CCDC88A: variants seen among roughly 807,000 people sequenced by gnomAD.
CCDC88A encodes coiled-coil and HOOK domain protein 88A, also known as girdin.
In CCDC88A, 54 loss-of-function variants were observed where a neutral mutation model predicts 234.3. The ratio of observed to expected loss-of-function variants is 0.23; its 90% CI spans 0.19 to 0.29. The LOEUF is 0.29. Ranked by LOEUF, CCDC88A falls within the 10% of genes least tolerant of loss-of-function variation. The pLI is 1.00. For missense variants in CCDC88A, 1,832 were observed against 2,123.4 expected, an observed-to-expected ratio of 0.86 and a Z score of 2.70; for synonymous variants, 753 against 737.8, an observed-to-expected ratio of 1.02 and a Z score of -0.33.
intron 2 of CCDC88A, among the ~76,000 whole-genome samples, chr2:55,409,378 G>A (rs900545312): frequency 6.6e-6 from 1 of 152,028 alleles, no homozygotes; most frequent in African/African-American, 2.4e-5. Context: ...TCTCCTCCAA[G>A]AAGCCTTTCC....
intron 13 of CCDC88A, chr2:55,337,656 G>A (rs1187770106): frequency 1.3e-5 from 2 of 151,924 alleles, no homozygotes; most frequent in South Asian, 2.1e-4. Context: ...GTGAAACGAT[G>A]TCTCTACCAA....
chr2:55,299,783 C>G, intron 29 of CCDC88A, 56 bp downstream of exon 29: 1 of 1,157,674 alleles, frequency 8.6e-7, no homozygotes, highest in South Asian at 1.3e-5. Context: ...TCCCATCTCC[C>G]ACCTTTAAAT....
intron 8 of CCDC88A, 135 bp from the exon 9 acceptor site, chr2:55,349,734 TA>T (rs34581861): frequency 0.058 from 7,225 of 124,606 alleles, 4 homozygotes; most frequent in South Asian, 0.068. Flanking sequence ...ATCTAGAAGA[TA>T]AAAAAAAAAA....
At chr2:55,402,828 T>G (rs1301123935) in intron 2 of CCDC88A, among the ~76,000 whole-genome samples, 4 of 151,434 alleles carry the variant, frequency 2.6e-5, no homozygotes, top group Non-Finnish European at 5.9e-5. Flanking sequence ...GCTAATATGG[T>G]GAAACCCCAT....
Position 55,419,320 on chromosome 2 carries a change from C to A in CCDC88A, c.-241G>T, listed in dbSNP as rs1245764020. On this transcript the variant is annotated 5_prime_UTR_variant, in exon 1 of 33. Transcript: ENST00000436346. Reference sequence around the variant, plus strand: ...GAGCAGCAGCCTGCGCTGGAAATGTCTGTACCGGGCGAGGAGGGGCAGAGA... The same window carrying A: ...GAGCAGCAGCCTGCGCTGGAAATGTATGTACCGGGCGAGGAGGGGCAGAGA... 2.0e-6 allele frequency: 1 copy of A among 492,526 alleles called. No homozygotes were observed. The highest frequency in any genetic ancestry group is 3.7e-6 in the Non-Finnish European group (1 of 273,286). 30.5% of individuals were successfully genotyped at this position (492,526 alleles called of 1,614,324 possible).
At chr2:55,294,381 G>C (rs1679779821) in intron 31 of CCDC88A, 1 of 967,794 alleles carries the variant, frequency 1.0e-6, no homozygotes, top group African/African-American at 1.8e-5. Context: ...AAATTTGATG[G>C]GGTTTTCTAA....
At chr2:55,295,027 T>A in intron 31 of CCDC88A, 1 of 1,221,532 alleles carries the variant, frequency 8.2e-7, no homozygotes, top group Non-Finnish European at 1.1e-6. Context: ...GCAGTGTATA[T>A]CAAATAACAT....
chr2:55,296,776 C>A (rs146421592), intron 29 of CCDC88A: 154 of 474,948 alleles, frequency 3.2e-4, no homozygotes, highest in African/African-American at 2.9e-3. Context: ...CTTTTACTAT[C>A]ATACTCAGAG....
chr2:55,401,469 TA>T (rs1558826432), intron 2 of CCDC88A, among the ~76,000 whole-genome samples: 4 of 16,224 alleles, frequency 2.5e-4, no homozygotes, highest in East Asian at 1.0e-3. Flanking sequence ...TATATATACA[TA>T]TGTGTGTGTA....
chr2:55,414,792 G>A (rs1681076508), intron 2 of CCDC88A, among the ~76,000 whole-genome samples: 1 of 152,140 alleles, frequency 6.6e-6, no homozygotes, highest in East Asian at 1.9e-4. Context: ...CTGGCCAGGT[G>A]TGGTGGCTAA....
At chr2:55,375,517 GTATGTAT>G (rs1673531814) in intron 3 of CCDC88A, among the ~76,000 whole-genome samples, 1 of 13,172 alleles carries the variant, frequency 7.6e-5, no homozygotes, top group African/African-American at 2.0e-4. Context: ...ATATATGTAT[GTATGTAT>G]AAATATGTTG....
intron 2 of CCDC88A, among the ~76,000 whole-genome samples, 200 bp from the exon 3 acceptor site, chr2:55,389,086 C>T (rs1308897381): frequency 6.6e-6 from 1 of 152,126 alleles, no homozygotes; most frequent in Non-Finnish European, 1.5e-5. Context: ...ACTGATTTCC[C>T]AAAGCAAGAA....
In CCDC88A at chr2:55,309,060, T is replaced by G. The variant is rs1681993090; in HGVS notation, c.4173-37A>C. On this transcript the variant is annotated intron_variant, in intron 24 of 32. Coordinates refer to ENST00000436346, the MANE Select transcript of CCDC88A (RefSeq NM_001365480.1). The surrounding 1 kb of genome is among the most constrained non-coding windows in gnomAD (Gnocchi z 5.1). ...TTAAAAATTGTTATCAGTTTAAAAT[T>G]CAACATACAAATCCTTCACAAAAGT... is the stretch of plus-strand genomic sequence containing the variant. 1 of 1,529,976 alleles carries G rather than the reference T, an allele frequency of 6.5e-7. No homozygotes were observed. Among genetic ancestry groups the G allele is most frequent in the Non-Finnish European group, 9.0e-7 (1 of 1,105,562 alleles). The allele number at this position is 1,529,976 out of a possible 1,614,324, so 94.8% of individuals were successfully genotyped here.
Position 55,357,867 on chromosome 2 carries a change from T to C in CCDC88A, c.628-2116A>G, listed in dbSNP as rs1670797591. 2.6e-5 allele frequency among the ~76,000 whole-genome samples: 4 copies of C among 152,176 alleles called. No individual in the cohort carries two copies. In the South Asian group the frequency reaches 8.3e-4, roughly 32 times the overall value. On this transcript the variant is annotated intron_variant, in intron 7 of 32. Coordinates refer to ENST00000436346, the MANE Select transcript of CCDC88A (RefSeq NM_001365480.1). ...ATGAACCTCAGAATGTTACCTCCCA[T>C]TTTTCTCCCTACTAATTTCATGTCC...
At chr2:55,342,295 CT>C (rs1668604370) in intron 12 of CCDC88A, among the ~76,000 whole-genome samples, 1 of 152,010 alleles carries the variant, frequency 6.6e-6, no homozygotes, top group Non-Finnish European at 1.5e-5. Flanking sequence ...AAAATAAAAA[CT>C]ACATACACCA....
intron 12 of CCDC88A, 119 bp from the exon 13 acceptor site, chr2:55,339,767 A>G (rs1668248455): frequency 1.4e-6 from 1 of 692,254 alleles, no homozygotes; most frequent in Non-Finnish European, 2.3e-6. Context: ...TAACTTTATT[A>G]AAAATTCAAT....
At chr2:55,399,549 C>T (rs1678246467) in intron 2 of CCDC88A, 1 of 147,506 alleles carries the variant, frequency 6.8e-6, no homozygotes, top group Non-Finnish European at 1.5e-5. Flanking sequence ...AAAAAAGTGG[C>T]ACTCCAGAGA....
chr2:55,396,930 A>G (rs937487054), intron 2 of CCDC88A, among the ~76,000 whole-genome samples: 4 of 150,970 alleles, frequency 2.6e-5, no homozygotes, highest in African/African-American at 4.9e-5. Flanking sequence ...CCGAGTGTAC[A>G]TCATATATCA....
chr2:55,356,502 G>A (rs1234663121), intron 7 of CCDC88A: 1 of 140,194 alleles, frequency 7.1e-6, no homozygotes, highest in African/African-American at 3.3e-5. Flanking sequence ...TAGACAGCCA[G>A]TGTTGGAAAG....
Sources: allele counts gnomAD v4.1 joint callset (sites outside exome capture counted in the v4.1 genomes callset), GRCh38; gene constraint gnomAD v4.1.1; non-coding constraint Gnocchi (gnomAD v3.1); transcripts MANE v1.5; gene names NCBI Gene and HGNC (gene_info 2026-07-23, HGNC 2026-07-21).